Variants in ESRRG observed in about 807,000 individuals in gnomAD.
ESRRG encodes estrogen-related receptor gamma.
A neutral mutation model predicts 44.0 loss-of-function variants in ESRRG; 13 were observed. The ratio of observed to expected loss-of-function variants is 0.30; its 90% CI spans 0.19 to 0.47. The LOEUF (loss-of-function observed/expected upper bound fraction) is 0.47. Among genes scored for constraint, ESRRG ranks in the 20% least tolerant of loss-of-function variants. The pLI is 1.00. For synonymous variants in ESRRG, 215 were observed against 214.6 expected (o/e 1.00, Z -0.02); for missense variants, 395 against 580.6 (o/e 0.68, Z 3.29).
chr1:216,733,987 T>TAAAAA (rs397796087), intron 2 of ESRRG, among the ~76,000 whole-genome samples: 2 of 107,266 alleles, frequency 1.9e-5, no homozygotes, highest in Non-Finnish European at 1.9e-5. Context: ...CAAGACTCTG[T>TAAAAA]AAAAAAAAAA....
At chr1:216,813,671 C>A (rs1032214807) in intron 2 of ESRRG, among the ~76,000 whole-genome samples, 5 of 152,114 alleles carry the variant, frequency 3.3e-5, no homozygotes, top group African/African-American at 1.2e-4. Flanking sequence ...AATAGTAAAA[C>A]CTGCCTTTTT....
intron 1 of ESRRG, among the ~76,000 whole-genome samples, chr1:216,947,205 CATCT>C (rs1450559026): frequency 6.6e-6 from 1 of 152,008 alleles, no homozygotes; most frequent in African/African-American, 2.4e-5. Context: ...CCAGAAGTGG[CATCT>C]GTCTTCTCGG....
At chr1:216,707,413 T>A (rs1426806337) in intron 1 of ESRRG, 6 of 1,535,740 alleles carry the variant, frequency 3.9e-6, no homozygotes, top group Non-Finnish European at 5.2e-6. Context: ...AAGACCCCAA[T>A]CACATTCTCG....
chr1:216,856,110 T>C (rs954723251), intron 2 of ESRRG, among the ~76,000 whole-genome samples: 2 of 152,070 alleles, frequency 1.3e-5, no homozygotes, highest in Non-Finnish European at 2.9e-5. Flanking sequence ...TTATCTCCTT[T>C]TTTTCCCGGT....
In ESRRG at chr1:216,779,223, A is replaced by G. The variant is rs867975750; in HGVS notation, c.-13-101732T>C. 2.1e-3 allele frequency among the ~76,000 whole-genome samples: 143 copies of G among 66,544 alleles called. 2 individuals carry two copies. The highest frequency in any genetic ancestry group is 9.0e-3 in the African/African-American group (136 of 15,048). 43.7% of individuals were successfully genotyped at this position (66,544 alleles called of 152,430 possible). On this transcript the variant is annotated intron_variant, in intron 2 of 7. Transcript: ENST00000359162. The stretch of plus-strand genomic sequence containing the variant: ...TTTATAAATATAAATATATATTTAT[A>G]TTTATAAATATAAATATATATTTAT...
intron 2 of ESRRG, among the ~76,000 whole-genome samples, chr1:216,826,906 T>A (rs570991470): frequency 2.0e-5 from 3 of 152,164 alleles, no homozygotes; most frequent in Non-Finnish European, 2.9e-5. Context: ...TGAAGTGACC[T>A]TCAGTATCTA....
At chr1:216,655,996 T>C (rs182209311) in intron 2 of ESRRG, among the ~76,000 whole-genome samples, 1 of 152,300 alleles carries the variant, frequency 6.6e-6, no homozygotes, top group South Asian at 2.1e-4. Context: ...TCTATTTTGG[T>C]AATGGTTCAA....
chr1:216,953,084 G>A (rs561709874), intron 1 of ESRRG, among the ~76,000 whole-genome samples: 8 of 152,172 alleles, frequency 5.3e-5, no homozygotes, highest in Non-Finnish European at 7.4e-5. Flanking sequence ...TGGCTGCTTC[G>A]AGCTTTTCTG....
chr1:216,695,688 G>C (rs944096466), intron 1 of ESRRG, among the ~76,000 whole-genome samples: 1 of 152,020 alleles, frequency 6.6e-6, no homozygotes, highest in Admixed American at 6.6e-5. Flanking sequence ...CATCATCTCT[G>C]TTTACTAATG....
intron 5 of ESRRG, among the ~76,000 whole-genome samples, chr1:216,520,411 G>T (rs1047799475): frequency 2.6e-5 from 4 of 151,848 alleles, no homozygotes; most frequent in Admixed American, 6.6e-5. Context: ...ATTCATACAC[G>T]CATATTTAAA....
At chr1:216,765,567 A>T (rs2093033449) in intron 2 of ESRRG, among the ~76,000 whole-genome samples, 1 of 152,152 alleles carries the variant, frequency 6.6e-6, no homozygotes, top group South Asian at 2.1e-4. Flanking sequence ...ACTGACAGTT[A>T]TCCTGCTCTA....
chr1:216,992,187 C>A (rs1173734231), intron 1 of ESRRG, among the ~76,000 whole-genome samples: 1 of 152,190 alleles, frequency 6.6e-6, no homozygotes, highest in Non-Finnish European at 1.5e-5. Context: ...AGCTTCCAAG[C>A]TGTCAGTCTT....
intron 1 of ESRRG, among the ~76,000 whole-genome samples, chr1:216,957,520 C>T (rs2576228): frequency 0.66 from 99,681 of 151,996 alleles, 35,786 homozygotes; most frequent in Non-Finnish European, 0.82. Context: ...TTGCACAGCC[C>T]CAAAACTTCA....
At chr1:216,654,485 C>T (rs929163740) in intron 2 of ESRRG, among the ~76,000 whole-genome samples, 2 of 151,786 alleles carry the variant, frequency 1.3e-5, no homozygotes, top group Non-Finnish European at 2.9e-5. Context: ...CAAAATTAGC[C>T]AGGTGTGGTG....
intron 3 of ESRRG, among the ~76,000 whole-genome samples, chr1:216,650,576 C>T (rs1454252619): frequency 6.6e-6 from 1 of 151,502 alleles, no homozygotes; most frequent in Non-Finnish European, 1.5e-5. Flanking sequence ...TGGGAAAGAA[C>T]AAAGAGTGCT....
intron 1 of ESRRG, among the ~76,000 whole-genome samples, chr1:216,682,949 C>T (rs1282629255): frequency 6.6e-6 from 1 of 152,074 alleles, no homozygotes; most frequent in East Asian, 1.9e-4. Flanking sequence ...AAAATGGGCA[C>T]CAGCTGCTAT....
chr1:216,899,666 TC>T (rs2058835185), intron 2 of ESRRG, among the ~76,000 whole-genome samples: 1 of 152,196 alleles, frequency 6.6e-6, no homozygotes, highest in Non-Finnish European at 1.5e-5. Flanking sequence ...CAGCCTTGTT[TC>T]CCATCTGCAT....
intron 1 of ESRRG, among the ~76,000 whole-genome samples, chr1:217,009,288 C>A (rs1007033134): frequency 6.6e-6 from 1 of 152,002 alleles, no homozygotes; most frequent in African/African-American, 2.4e-5. Flanking sequence ...TTGAAGATTG[C>A]TCTTTAAAAT....
intron 1 of ESRRG, among the ~76,000 whole-genome samples, chr1:216,955,282 C>T (rs2067739833): frequency 6.6e-6 from 1 of 152,146 alleles, no homozygotes; most frequent in African/African-American, 2.4e-5. Context: ...TGTGTAAGAA[C>T]ATCCAGGGTA....
Sources: allele counts gnomAD v4.1 joint callset (sites outside exome capture counted in the v4.1 genomes callset), GRCh38; gene constraint gnomAD v4.1.1; transcripts MANE v1.5; gene names NCBI Gene and HGNC (gene_info 2026-07-23, HGNC 2026-07-21).